Variants in SUPT5H observed in about 807,000 individuals in gnomAD.
The protein encoded by SUPT5H is SPT5 homolog, DSIF elongation factor subunit.
SUPT5H carries 24 observed loss-of-function variants against 142.5 expected under a neutral mutation model. That is an observed-to-expected ratio of 0.17 (90% confidence interval 0.12 to 0.24). SUPT5H has a LOEUF of 0.24. SUPT5H is among the 10% of genes least tolerant of loss of function. The pLI is 1.00. For synonymous variants in SUPT5H, 546 were observed against 553.0 expected, an observed-to-expected ratio of 0.99 and a Z score of 0.18; for missense variants, 893 against 1,471.8, an observed-to-expected ratio of 0.61 and a Z score of 6.43.
chr19:39,453,339 C>T lies in SUPT5H; in HGVS notation c.76-17C>T. On this transcript the variant is annotated splice_polypyrimidine_tract_variant and intron_variant, in intron 2 of 29. Coordinates refer to ENST00000432763, the MANE Select transcript of SUPT5H (RefSeq NM_001111020.3). Reference sequence around the variant, plus strand: ...GTAGCAGAATTCTGGTGCTACAACCCTGCCTGACCCCTGTAGGTAGACGAA... The same window carrying T: ...GTAGCAGAATTCTGGTGCTACAACCTTGCCTGACCCCTGTAGGTAGACGAA... The T allele has an allele frequency of 1.3e-6, 2 of 1,576,698 alleles. No homozygotes were observed. Among genetic ancestry groups the T allele is most frequent in the East Asian group, 2.3e-5 (1 of 44,392 alleles).
chr19:39,473,896 G>A lies in SUPT5H; in HGVS notation c.2493-67G>A. ...GCTTCAGTTGGGGGTCTGGTGTAGG[G>A]TGCTGTTCTGGAAGCATCCATCGCA... is the stretch of plus-strand genomic sequence containing the variant. On this transcript the variant is annotated intron_variant, in intron 25 of 29. Transcript: ENST00000432763. The surrounding 1 kb of genome is among the most constrained non-coding windows in gnomAD (Gnocchi z 5.8). The A allele has an allele frequency of 1.2e-6, 2 of 1,603,468 alleles. No homozygotes were observed. Among genetic ancestry groups the A allele is most frequent in the Non-Finnish European group, 1.7e-6 (2 of 1,171,174 alleles).
chr19:39,449,622 T>A (rs1227719181), intron 2 of SUPT5H, among the ~76,000 whole-genome samples: 1 of 150,280 alleles, frequency 6.7e-6, no homozygotes, highest in Non-Finnish European at 1.5e-5. Flanking sequence ...CGGGGATGGC[T>A]GCCTGGAGGA....
At chr19:39,447,814 C>T (rs1408745475) in intron 2 of SUPT5H, among the ~76,000 whole-genome samples, 1 of 152,162 alleles carries the variant, frequency 6.6e-6, no homozygotes, top group Non-Finnish European at 1.5e-5. Context: ...TCTCAGGTGT[C>T]TGGTAGGAAA....
intron 2 of SUPT5H, among the ~76,000 whole-genome samples, chr19:39,452,187 G>A (rs991195005): frequency 2.0e-5 from 3 of 152,200 alleles, no homozygotes; most frequent in African/African-American, 7.2e-5. Flanking sequence ...AGGTCAGTTT[G>A]GGACACAGTG....
Position 39,474,867 on chromosome 19 carries a change from C to A in SUPT5H, c.3024+149C>A. 1 of 844,534 alleles carries A rather than the reference C, an allele frequency of 1.2e-6. No homozygotes were observed. The highest frequency in any genetic ancestry group is 2.7e-5 in the Admixed American group (1 of 37,390). 52.3% of individuals were successfully genotyped at this position (844,534 alleles called of 1,614,324 possible). A position where few individuals can be genotyped will look rare whatever the true frequency, so the allele number is the denominator to read the frequency against. ...AGAGGGCAAGGGGAGCTATGTGAAC[C>A]CAAAGGAGGCATCTTACCTGATTTA... On this transcript the variant is annotated intron_variant, in intron 28 of 29. Transcript: ENST00000432763. The surrounding 1 kb of genome is among the most constrained non-coding windows in gnomAD (Gnocchi z 6.5).
Position 39,476,247 on chromosome 19 carries a change from CA to C in SUPT5H, c.3121-8del, listed in dbSNP as rs1454187254. On this transcript the variant is annotated splice_region_variant and splice_polypyrimidine_tract_variant and intron_variant, in intron 29 of 29. Coordinates refer to ENST00000432763, the MANE Select transcript of SUPT5H (RefSeq NM_001111020.3). ...ACATGGACCCTGACCATATTCCCCC[CA>C]CCCCCAGGTGAAAGTGATCCTGGGC... 4.3e-6 allele frequency: 7 copies of C among 1,614,018 alleles called. No homozygotes were observed. The highest frequency in any genetic ancestry group is 1.7e-4 in the Middle Eastern group (1 of 6,058).
chr19:39,456,664 CGCCTCG>C (rs1441848434), intron 3 of SUPT5H, among the ~76,000 whole-genome samples: 4 of 151,994 alleles, frequency 2.6e-5, no homozygotes, highest in Admixed American at 1.3e-4. Context: ...ATGATCCACC[CGCCTCG>C]GCCTCCCAAA....
chr19:39,458,347 A>G lies in SUPT5H; in HGVS notation c.319+42A>G, dbSNP rs560558286. On this transcript the variant is annotated intron_variant, in intron 5 of 29. Transcript: ENST00000432763. The surrounding 1 kb of genome is among the most constrained non-coding windows in gnomAD (Gnocchi z 4.2). ...TGTGATTCCCTGACCTTCCTCCCAT[A>G]TCCTGACATTTCCTCCTTCCTGAGG... is the stretch of plus-strand genomic sequence containing the variant. The G allele has an allele frequency of 6.3e-7, 1 of 1,590,356 alleles. No homozygotes were observed. Among genetic ancestry groups the G allele is most frequent in the Non-Finnish European group, 8.6e-7 (1 of 1,164,972 alleles).
rs1325571002 is a variant in SUPT5H, at chr19:39,474,737, G to C, written c.3024+19G>C. 2 of 1,596,506 alleles carry C rather than the reference G, an allele frequency of 1.3e-6. No homozygotes were observed. The highest frequency in any genetic ancestry group is 1.7e-6 in the Non-Finnish European group (2 of 1,171,578). On this transcript the variant is annotated intron_variant, in intron 28 of 29. Coordinates refer to ENST00000432763, the MANE Select transcript of SUPT5H (RefSeq NM_001111020.3). The surrounding 1 kb of genome is among the most constrained non-coding windows in gnomAD (Gnocchi z 6.5). ...TGTCACGGTACGTGGGGCCCAGGGTGGTGGGTGAGCAGGCATCCTCTCCTT... is the reference window on the plus strand; with the variant it reads ...TGTCACGGTACGTGGGGCCCAGGGTCGTGGGTGAGCAGGCATCCTCTCCTT...
chr19:39,451,353 G>C (rs945721376), intron 2 of SUPT5H, among the ~76,000 whole-genome samples: 3 of 151,052 alleles, frequency 2.0e-5, no homozygotes, highest in Non-Finnish European at 3.0e-5. Flanking sequence ...TGCCTGGCTA[G>C]GTTTTTTTTT....
At position 39,466,846 on chromosome 19, in the gene SUPT5H, A is replaced by G; in HGVS notation, c.1037+101A>G. 8.6e-7 allele frequency: 1 copy of G among 1,161,166 alleles called. No individual in the cohort carries two copies. The highest frequency in any genetic ancestry group is 1.3e-6 in the Non-Finnish European group (1 of 774,028). 71.9% of individuals were successfully genotyped at this position (1,161,166 alleles called of 1,614,324 possible). A position where few individuals can be genotyped will look rare whatever the true frequency, so the allele number is the denominator to read the frequency against. On this transcript the variant is annotated intron_variant, in intron 13 of 29. Coordinates refer to ENST00000432763, the MANE Select transcript of SUPT5H (RefSeq NM_001111020.3). The surrounding 1 kb of genome is among the most constrained non-coding windows in gnomAD (Gnocchi z 4.3). ...CCAGGGGTGGCCCCGCCACAGGTTT[A>G]GCCTGTGAATTGGTTAGCTTGGCAG...
intron 3 of SUPT5H, among the ~76,000 whole-genome samples, chr19:39,457,377 T>G (rs1282855363): frequency 6.6e-6 from 1 of 152,232 alleles, no homozygotes; most frequent in Non-Finnish European, 1.5e-5. Context: ...TTCTGATAGT[T>G]GGGAGGGAAC....
intron 10 of SUPT5H, among the ~76,000 whole-genome samples, chr19:39,462,768 T>C (rs554199072): frequency 6.6e-6 from 1 of 151,562 alleles, no homozygotes; most frequent in Non-Finnish European, 1.5e-5. Flanking sequence ...TGACCTCAGG[T>C]GATCGGCCCA....
In SUPT5H at chr19:39,473,139, C is replaced by T; in HGVS notation, c.2258+25C>T. 6.2e-7 allele frequency: 1 copy of T among 1,611,768 alleles called. No individual in the cohort carries two copies. The highest frequency in any genetic ancestry group is 8.5e-7 in the Non-Finnish European group (1 of 1,179,592). On this transcript the variant is annotated intron_variant, in intron 23 of 29. Coordinates refer to ENST00000432763, the MANE Select transcript of SUPT5H (RefSeq NM_001111020.3). This position sits in a 1 kb window ranked among gnomAD's most constrained non-coding sequence, Gnocchi z 5.8. Reference sequence around the variant, plus strand: ...TGTACGGGCGGGGCCTGGGGAGGGCCAGGGTGGGGCTTGCTAGGCAGTGAG... The same window carrying T: ...TGTACGGGCGGGGCCTGGGGAGGGCTAGGGTGGGGCTTGCTAGGCAGTGAG...
Position 39,469,525 on chromosome 19 carries a change from C to G in SUPT5H, c.1374+127C>G, listed in dbSNP as rs2079289700. The G allele has an allele frequency of 7.3e-7, 1 of 1,368,168 alleles. No individual in the cohort carries two copies. The highest frequency in any genetic ancestry group is 1.0e-6 in the Non-Finnish European group (1 of 999,588). 84.8% of individuals were successfully genotyped at this position (1,368,168 alleles called of 1,614,324 possible). A position where few individuals can be genotyped will look rare whatever the true frequency, so the allele number is the denominator to read the frequency against. ...GGAGGGTAAGTTGAGGCCCTTCTAG[C>G]ATTCTCAGGTGCCTGAGAGGCTCTG... is the stretch of plus-strand genomic sequence containing the variant. On this transcript the variant is annotated intron_variant, in intron 16 of 29. Coordinates refer to ENST00000432763, the MANE Select transcript of SUPT5H (RefSeq NM_001111020.3). The surrounding 1 kb of genome is among the most constrained non-coding windows in gnomAD (Gnocchi z 5.1).
chr19:39,464,955 C>T lies in SUPT5H; in HGVS notation c.782C>T (p.Thr261Ile). 6.2e-7 allele frequency: 1 copy of T among 1,614,228 alleles called. No individual in the cohort carries two copies. Among genetic ancestry groups the T allele is most frequent in the East Asian group, 2.2e-5 (1 of 44,886 alleles). ...NQQMVPIKEMTDVLKVVKEVA... is the reference protein window; with the variant it reads ...NQQMVPIKEMIDVLKVVKEVA... The stretch of plus-strand genomic sequence containing the variant: ...CAGATGGTGCCCATCAAGGAGATGA[C>T]AGACGTGCTCAAAGTGGTGAAGGAG... Residue 261 changes from threonine (T) to isoleucine (I), a missense_variant, in exon 11 of 30, where the codon ACA (threonine) becomes ATA (isoleucine). Physicochemically the swap from Thr to Ile is moderately conservative, Grantham distance 89. Transcript: ENST00000432763.
At chr19:39,471,196 G>A (rs1421686272) in intron 18 of SUPT5H, among the ~76,000 whole-genome samples, 161 bp from the exon 19 acceptor site, 1 of 152,168 alleles carries the variant, frequency 6.6e-6, no homozygotes, top group Non-Finnish European at 1.5e-5. Flanking sequence ...TACCTAAAGG[G>A]TGGCACTCTG....
chr19:39,460,500 G>T (rs2146098050), intron 10 of SUPT5H, among the ~76,000 whole-genome samples: 1 of 152,352 alleles, frequency 6.6e-6, no homozygotes. Context: ...CACTCTGGAA[G>T]GCTGAGGCAG....
At chr19:39,453,028 A>AG (rs1435508146) in intron 2 of SUPT5H, among the ~76,000 whole-genome samples, 5 of 141,210 alleles carry the variant, frequency 3.5e-5, no homozygotes, top group African/African-American at 7.8e-5. Flanking sequence ...AAAAAAAAAA[A>AG]AGAGAGAGAA....
Sources: gnomAD v4.1 joint callset for allele counts (sites outside exome capture counted in the v4.1 genomes callset) on GRCh38, gnomAD v4.1.1 for gene constraint, Gnocchi (gnomAD v3.1) non-coding constraint, MANE v1.5 for transcripts, NCBI Gene and HGNC (gene_info 2026-07-23, HGNC 2026-07-21) for gene names.